KSR2: variants seen among roughly 807,000 people sequenced by gnomAD.
The protein encoded by KSR2 is kinase suppressor of ras 2.
KSR2 carries 25 observed loss-of-function variants against 107.8 expected under a neutral mutation model. The ratio of observed to expected loss-of-function variants is 0.23; its 90% CI spans 0.17 to 0.32. The LOEUF (loss-of-function observed/expected upper bound fraction) is 0.32. KSR2 is among the 10% of genes least tolerant of loss of function. The pLI is 1.00. For missense variants in KSR2, 887 were observed against 1,268.9 expected, an observed-to-expected ratio of 0.70 and a Z score of 4.57; for synonymous variants, 480 against 507.0, an observed-to-expected ratio of 0.95 and a Z score of 0.71.
Position 117,890,554 on chromosome 12 carries a change from G to A in KSR2, c.181-30123C>T, listed in dbSNP as rs1894309257. Among the ~76,000 whole-genome samples, 4 of 152,216 alleles carry A rather than the reference G, an allele frequency of 2.6e-5. No homozygotes were observed. The South Asian group carries it at 8.3e-4, about 31-fold the overall frequency. On this transcript the variant is annotated intron_variant, in intron 1 of 19. Coordinates refer to ENST00000339824, the MANE Select transcript of KSR2 (RefSeq NM_173598.6). ...AGCTCACTATTTAAAGGTCCTCTCTGTGTTAAAGCCTTTTGCAGGTTCTAA... is the reference window on the plus strand; with the variant it reads ...AGCTCACTATTTAAAGGTCCTCTCTATGTTAAAGCCTTTTGCAGGTTCTAA...
chr12:117,579,810 C>T (rs534812896), intron 6 of KSR2, among the ~76,000 whole-genome samples: 11 of 152,296 alleles, frequency 7.2e-5, no homozygotes, highest in East Asian at 1.9e-4. Flanking sequence ...CAGCTCACCT[C>T]GCTCTCCAAC....
Position 117,524,969 on chromosome 12 carries a change from T to C in KSR2, c.2102A>G (p.Glu701Gly), listed in dbSNP as rs1592955099. Residue 701 changes from glutamate (E) to glycine (G), a missense_variant, in exon 14 of 20, where the codon GAG (glutamate) becomes GGG (glycine). Glu to Gly is a moderately conservative substitution (Grantham distance 98). Coordinates refer to ENST00000339824, the MANE Select transcript of KSR2 (RefSeq NM_173598.6). ...CCGCTTGAAGGCCTTGAGCTGGTCC[T>C]CGTTGTCCCTCTCAATGTCAATCAG... ...IRLIDIERDN[E>G]DQLKAFKREV... 6.2e-7 allele frequency: 1 copy of C among 1,613,874 alleles called. No homozygotes were observed. Among genetic ancestry groups the C allele is most frequent in the East Asian group, 2.2e-5 (1 of 44,828 alleles).
intron 3 of KSR2, among the ~76,000 whole-genome samples, chr12:117,820,851 C>T (rs1439592983): frequency 2.0e-5 from 3 of 152,188 alleles, no homozygotes; most frequent in Admixed American, 1.3e-4. Flanking sequence ...TGCTCTACTC[C>T]CTGTCTCAAA....
intron 4 of KSR2, among the ~76,000 whole-genome samples, chr12:117,713,107 G>A (rs1886851918): frequency 6.7e-6 from 1 of 149,822 alleles, no homozygotes; most frequent in African/African-American, 2.4e-5. Flanking sequence ...TATTTGGATA[G>A]ATACATATAG....
chr12:117,906,227 C>T (rs1418244953), intron 1 of KSR2, among the ~76,000 whole-genome samples: 1 of 151,822 alleles, frequency 6.6e-6, no homozygotes, highest in Non-Finnish European at 1.5e-5. Flanking sequence ...GTGGTGGGCA[C>T]CTGTAATCCC....
rs11068606 is a variant in KSR2 at position 117,656,943 on chromosome 12, T to G, written c.1171+10531A>C. Among the ~76,000 whole-genome samples, 288 of 87,374 alleles carry G rather than the reference T, an allele frequency of 3.3e-3. 2 individuals carry two copies. The East Asian group carries it at 0.034, about 10-fold the overall frequency. 57.3% of individuals were successfully genotyped at this position (87,374 alleles called of 152,430 possible). On this transcript the variant is annotated intron_variant, in intron 5 of 19. Transcript: ENST00000339824. ...GTGTGTATACATATATATAATAGGA[T>G]ATATATATATATATAATAGGATATA...
At chr12:117,840,304 G>A (rs145450213) in intron 3 of KSR2, among the ~76,000 whole-genome samples, 7,293 of 152,120 alleles carry the variant, frequency 0.048, 223 homozygotes, top group Non-Finnish European at 0.069. Flanking sequence ...CACCATGTTG[G>A]CCAGGCTGTT....
intron 5 of KSR2, among the ~76,000 whole-genome samples, chr12:117,602,070 C>T (rs917373211): frequency 2.0e-5 from 3 of 152,322 alleles, no homozygotes; most frequent in East Asian, 1.9e-4. Flanking sequence ...ACTGCATTTA[C>T]GGCCACTAAA....
intron 16 of KSR2, among the ~76,000 whole-genome samples, chr12:117,483,395 T>TA (rs558773625): frequency 9.4e-4 from 142 of 150,710 alleles, no homozygotes; most frequent in African/African-American, 3.2e-3. Flanking sequence ...ATAAATAAAA[T>TA]AAAAAAAAAT....
Position 117,524,987 on chromosome 12 carries a change from T to C in KSR2, c.2084A>G (p.Asp695Gly). ...CTGGTCCTCGTTGTCCCTCTCAATG[T>C]CAATCAGCCGGATGGCCACCTCGCC... ...WHGEVAIRLIDIERDNEDQLK... is the reference protein window; with the variant it reads ...WHGEVAIRLIGIERDNEDQLK... Residue 695 changes from aspartate to glycine, a missense_variant, in exon 14 of 20, where the codon GAC (aspartate) becomes GGC (glycine). By Grantham distance (94) the Asp-to-Gly change is moderately conservative. Transcript: ENST00000339824. 6.2e-7 allele frequency: 1 copy of C among 1,613,894 alleles called. No homozygotes were observed. The highest frequency in any genetic ancestry group is 8.5e-7 in the Non-Finnish European group (1 of 1,179,858).
Position 117,597,727 on chromosome 12 carries a change from A to G in KSR2, c.1172-15368T>C, listed in dbSNP as rs75810240. 5.8e-3 allele frequency among the ~76,000 whole-genome samples: 888 copies of G among 152,378 alleles called. 5 individuals carry two copies. The highest frequency in any genetic ancestry group is 0.02 in the African/African-American group (818 of 41,596). ...TTGTGGCAGCAGCAACAGGAAACCA[A>G]CGTAGCCAAGTATTAAATATTCACC... On this transcript the variant is annotated intron_variant, in intron 5 of 19. Coordinates refer to ENST00000339824, the MANE Select transcript of KSR2 (RefSeq NM_173598.6).
intron 10 of KSR2, among the ~76,000 whole-genome samples, chr12:117,532,610 T>A (rs1467526408): frequency 1.3e-5 from 2 of 152,214 alleles, no homozygotes; most frequent in Non-Finnish European, 2.9e-5. Flanking sequence ...TTAACCTCTG[T>A]ATTTAGGAAA....
intron 9 of KSR2, 53 bp from the exon 10 acceptor site, chr12:117,539,940 C>T: frequency 6.6e-7 from 1 of 1,507,166 alleles, no homozygotes; most frequent in Non-Finnish European, 9.0e-7. Flanking sequence ...AGCAGAAACA[C>T]AGCAGAAAGA....
chr12:117,911,527 A>G (rs1262611157), intron 1 of KSR2, among the ~76,000 whole-genome samples: 1 of 152,218 alleles, frequency 6.6e-6, no homozygotes, highest in Non-Finnish European at 1.5e-5. Flanking sequence ...GTTGGGGATT[A>G]TTTGTCACTG....
At chr12:117,559,447 T>C (rs1468482102) in intron 7 of KSR2, among the ~76,000 whole-genome samples, 1 of 152,216 alleles carries the variant, frequency 6.6e-6, no homozygotes, top group African/African-American at 2.4e-5. Context: ...TCATTTAATC[T>C]TCGTAACAAC....
At chr12:117,661,901 A>G (rs1279751975) in intron 5 of KSR2, among the ~76,000 whole-genome samples, 1 of 152,198 alleles carries the variant, frequency 6.6e-6, no homozygotes, top group East Asian at 1.9e-4. Context: ...GCAAGAGATC[A>G]GTGCTTTTCT....
intron 5 of KSR2, among the ~76,000 whole-genome samples, chr12:117,662,997 A>G (rs1884501949): frequency 6.6e-6 from 1 of 152,192 alleles, no homozygotes; most frequent in African/African-American, 2.4e-5. Context: ...ACAGATCCCT[A>G]GAATAATAAC....
rs563031243 is a variant in KSR2, at chr12:117,723,406, C to A, written c.986+37605G>T. Among the ~76,000 whole-genome samples, 5 of 152,200 alleles carry A rather than the reference C, an allele frequency of 3.3e-5. No homozygotes were observed. The South Asian group carries it at 1.0e-3, about 32-fold the overall frequency. ...ACCTGTATAAGTCACTGAATTTAAG[C>A]CTCACAACAACCGTAAGAGGTAGAT... On this transcript the variant is annotated intron_variant, in intron 4 of 19. Coordinates refer to ENST00000339824, the MANE Select transcript of KSR2 (RefSeq NM_173598.6).
intron 1 of KSR2, among the ~76,000 whole-genome samples, chr12:117,862,937 G>T (rs1463618011): frequency 6.6e-6 from 1 of 151,972 alleles, no homozygotes; most frequent in East Asian, 1.9e-4. Flanking sequence ...CACCGTGTTA[G>T]CCAGGATGGT....
Sources: gnomAD v4.1 joint callset for allele counts (sites outside exome capture counted in the v4.1 genomes callset) on GRCh38, gnomAD v4.1.1 for gene constraint, MANE v1.5 for transcripts, NCBI Gene and HGNC (gene_info 2026-07-23, HGNC 2026-07-21) for gene names.